CDH12: variants seen among roughly 807,000 people sequenced by gnomAD.
CDH12 encodes the protein cadherin 12.
In CDH12, 41 loss-of-function variants were observed where a neutral mutation model predicts 74.1. That is an observed-to-expected ratio of 0.55 (90% confidence interval 0.43 to 0.72). The LOEUF (loss-of-function observed/expected upper bound fraction) is 0.72. Ranked by LOEUF, CDH12 falls within the 30% of genes least tolerant of loss-of-function variation. The pLI, the probability that CDH12 is intolerant of heterozygous loss-of-function variation, is 0.00. For missense variants in CDH12, 945 were observed against 977.2 expected (o/e 0.97, Z 0.44); for synonymous variants, 399 against 355.0 (o/e 1.12, Z -1.39).
At chr5:21,995,364 G>GGT (rs1736222213) in intron 5 of CDH12, among the ~76,000 whole-genome samples, 1 of 151,574 alleles carries the variant, frequency 6.6e-6, no homozygotes, top group African/African-American at 2.4e-5. Flanking sequence ...AATGAAACGT[G>GGT]GTGTGTACTT....
chr5:21,811,709 C>T lies in CDH12; in HGVS notation c.1002+5236G>A, dbSNP rs1242331946. On this transcript the variant is annotated intron_variant, in intron 9 of 14. Coordinates refer to ENST00000382254, the MANE Select transcript of CDH12 (RefSeq NM_004061.5). ...AACACCCAACACCATATAGGACAAG[C>T]TTTTTTTTTTTTTTACAGTTTTCTC... is the stretch of plus-strand genomic sequence containing the variant. Among the ~76,000 whole-genome samples, 8 of 139,130 alleles carry T rather than the reference C, an allele frequency of 5.8e-5. 1 individual carries two copies. Among genetic ancestry groups the T allele is most frequent in the African/African-American group, 1.0e-4 (4 of 38,162 alleles). 91.3% of individuals were successfully genotyped at this position (139,130 alleles called of 152,430 possible). A position where few individuals can be genotyped will look rare whatever the true frequency, so the allele number is the denominator to read the frequency against.
At chr5:22,483,405 A>T (rs957107993) in intron 2 of CDH12, among the ~76,000 whole-genome samples, 1 of 151,958 alleles carries the variant, frequency 6.6e-6, no homozygotes, top group Non-Finnish European at 1.5e-5. Flanking sequence ...GGTATTGGGA[A>T]TACAGCTGTA....
intron 6 of CDH12, among the ~76,000 whole-genome samples, chr5:21,908,981 C>A (rs1459303543): frequency 6.6e-6 from 1 of 152,104 alleles, no homozygotes; most frequent in Non-Finnish European, 1.5e-5. Context: ...TATTCTGGAG[C>A]TCAGTATTTG....
chr5:22,492,764 G>T (rs1336310610), intron 2 of CDH12, among the ~76,000 whole-genome samples: 2 of 151,994 alleles, frequency 1.3e-5, no homozygotes, highest in Non-Finnish European at 2.9e-5. Flanking sequence ...TTAATGGCTG[G>T]CTCCTTCCAG....
intron 6 of CDH12, among the ~76,000 whole-genome samples, chr5:21,944,120 A>G (rs186099004): frequency 2.6e-4 from 40 of 152,312 alleles, no homozygotes; most frequent in Admixed American, 2.6e-3. Flanking sequence ...CTCTTACAAA[A>G]GAGAAAACTG....
intron 4 of CDH12, among the ~76,000 whole-genome samples, chr5:22,085,186 T>A (rs1245663419): frequency 6.7e-6 from 1 of 148,920 alleles, no homozygotes; most frequent in Non-Finnish European, 1.5e-5. Context: ...TTTTTTTTTT[T>A]AAATGGTCAT....
rs549403803 is a variant in CDH12 at position 22,056,881 on chromosome 5, C to G, written c.231+21565G>C. Among the ~76,000 whole-genome samples the G allele has an allele frequency of 5.3e-5, 8 of 152,176 alleles. No individual in the cohort carries two copies. The South Asian group carries it at 1.7e-3, about 32-fold the overall frequency. ...AGTTTATTCCAAGCCGGAAAAGAGCCGACAATTCTTCCATTGCACCTGCTG... is the reference window on the plus strand; with the variant it reads ...AGTTTATTCCAAGCCGGAAAAGAGCGGACAATTCTTCCATTGCACCTGCTG... On this transcript the variant is annotated intron_variant, in intron 5 of 14. Transcript: ENST00000382254.
At position 22,201,164 on chromosome 5, in the gene CDH12, A is replaced by G. The variant is rs1750904316; in HGVS notation, c.-187+11334T>C. 2.6e-5 allele frequency among the ~76,000 whole-genome samples: 4 copies of G among 152,210 alleles called. No individual in the cohort carries two copies. In the South Asian group the frequency reaches 8.3e-4, roughly 32 times the overall value. On this transcript the variant is annotated intron_variant, in intron 4 of 14. Coordinates refer to ENST00000382254, the MANE Select transcript of CDH12 (RefSeq NM_004061.5). ...AGACTGCTTGAGATTAGGAAAAAGC[A>G]GATATGATGCAGCATCCAAACCTCA... is the stretch of plus-strand genomic sequence containing the variant.
intron 1 of CDH12, among the ~76,000 whole-genome samples, chr5:22,553,429 T>C (rs568661602): frequency 6.6e-6 from 1 of 152,296 alleles, no homozygotes; most frequent in South Asian, 2.1e-4. Context: ...GAGAGATTCT[T>C]TTCTGACTTA....
chr5:21,846,348 A>G (rs964436202), intron 7 of CDH12, among the ~76,000 whole-genome samples: 1 of 152,080 alleles, frequency 6.6e-6, no homozygotes, highest in African/African-American at 2.4e-5. Flanking sequence ...TCTTTTGCCT[A>G]TTAAACCTCC....
intron 6 of CDH12, among the ~76,000 whole-genome samples, chr5:21,896,414 A>AG: frequency 6.6e-6 from 1 of 152,210 alleles, no homozygotes; most frequent in Admixed American, 6.5e-5. Context: ...TCCTCTTTTC[A>AG]TTATATGTAA....
chr5:22,524,131 C>T (rs896838333), intron 1 of CDH12, among the ~76,000 whole-genome samples: 18 of 151,810 alleles, frequency 1.2e-4, no homozygotes, highest in Admixed American at 3.3e-4. Context: ...CACAGGCGCA[C>T]GCCACCATAT....
intron 10 of CDH12, among the ~76,000 whole-genome samples, chr5:21,784,306 A>G (rs1057408401): frequency 3.9e-5 from 6 of 152,168 alleles, no homozygotes; most frequent in Non-Finnish European, 5.9e-5. Context: ...GTTTTCAATC[A>G]TAACAATCAT....
At chr5:22,359,882 C>T (rs190319168) in intron 3 of CDH12, among the ~76,000 whole-genome samples, 51 of 151,996 alleles carry the variant, frequency 3.4e-4, no homozygotes, top group Admixed American at 1.8e-3. Flanking sequence ...TTGAAACCAA[C>T]GAGAACAAAG....
chr5:22,161,265 C>A (rs1022884111), intron 4 of CDH12, among the ~76,000 whole-genome samples: 5 of 152,234 alleles, frequency 3.3e-5, no homozygotes, highest in African/African-American at 9.6e-5. Flanking sequence ...CTCTTCGGTC[C>A]TGTGTTCTGA....
chr5:22,767,129 A>G (rs1311758726), intron 1 of CDH12, among the ~76,000 whole-genome samples: 1 of 152,024 alleles, frequency 6.6e-6, no homozygotes. Context: ...ATGTTTGTGG[A>G]TTTAAAAATC....
intron 1 of CDH12, among the ~76,000 whole-genome samples, chr5:22,607,327 A>C (rs968206118): frequency 2.6e-5 from 4 of 152,150 alleles, no homozygotes; most frequent in Non-Finnish European, 4.4e-5. Context: ...GTATTAGTCC[A>C]TTTCACACTG....
chr5:22,311,757 T>C (rs2150429086), intron 3 of CDH12, among the ~76,000 whole-genome samples: 1 of 148,936 alleles, frequency 6.7e-6, no homozygotes, highest in African/African-American at 2.5e-5. Context: ...GGTTGTGGTG[T>C]GGTGGTCTAG....
chr5:22,850,529 G>A (rs1332828400), intron 1 of CDH12, among the ~76,000 whole-genome samples: 1 of 151,892 alleles, frequency 6.6e-6, no homozygotes, highest in African/African-American at 2.4e-5. Context: ...TAAACAGGAA[G>A]GATAAATATT....
Sources: allele counts gnomAD v4.1 joint callset (sites outside exome capture counted in the v4.1 genomes callset), GRCh38; gene constraint gnomAD v4.1.1; transcripts MANE v1.5; gene names NCBI Gene and HGNC (gene_info 2026-07-23, HGNC 2026-07-21).